CCDC7: variants seen among roughly 807,000 people sequenced by gnomAD.
CCDC7 encodes the protein coiled-coil domain containing 7.
CCDC7 carries 183 observed loss-of-function variants against 196.9 expected under a neutral mutation model. The ratio of observed to expected loss-of-function variants is 0.93; its 90% CI spans 0.82 to 1.05. CCDC7 has a LOEUF of 1.05. Ranked by LOEUF, CCDC7 falls within the 50% of genes least tolerant of loss-of-function variation. The pLI is 0.00. For synonymous variants in CCDC7, 525 were observed against 484.6 expected (o/e 1.08, Z -1.10); for missense variants, 1,540 against 1,482.2 (o/e 1.04, Z -0.64).
At chr10:32,666,660 A>T (rs1485170692) in intron 21 of CCDC7, among the ~76,000 whole-genome samples, 1 of 151,812 alleles carries the variant, frequency 6.6e-6, no homozygotes, top group Admixed American at 6.6e-5. Context: ...GTTTGCTGAG[A>T]ATGATGGTTT....
intron 20 of CCDC7, among the ~76,000 whole-genome samples, chr10:32,661,805 C>CT (rs2071520355): frequency 6.6e-6 from 1 of 152,016 alleles, no homozygotes; most frequent in Admixed American, 6.6e-5. Flanking sequence ...AGAAGAAGGT[C>CT]TTTTTTGGAG....
intron 20 of CCDC7, among the ~76,000 whole-genome samples, chr10:32,639,087 T>G (rs1420652465): frequency 2.0e-5 from 3 of 152,100 alleles, no homozygotes; most frequent in African/African-American, 7.2e-5. Flanking sequence ...TCCTCTTTAT[T>G]ATTCTTTATT....
At chr10:32,836,876 G>C (rs1049738667) in intron 33 of CCDC7, among the ~76,000 whole-genome samples, 7 of 152,084 alleles carry the variant, frequency 4.6e-5, no homozygotes, top group Non-Finnish European at 8.8e-5. Flanking sequence ...GCCATATGTA[G>C]AAAGCTGAAA....
intron 30 of CCDC7, among the ~76,000 whole-genome samples, chr10:32,808,105 G>A (rs758107379): frequency 9.9e-5 from 15 of 152,230 alleles, no homozygotes; most frequent in Non-Finnish European, 2.1e-4. Context: ...CCTGACAACT[G>A]CCATTGCTGT....
chr10:32,446,036 A>C (rs960915541), upstream of CCDC7: 13 of 152,154 alleles, frequency 8.5e-5, no homozygotes, highest in Admixed American at 1.3e-4. Flanking sequence ...CAGCCGCCAA[A>C]CTGCGTCTCC....
At chr10:32,535,709 A>G (rs1427007267) in intron 11 of CCDC7, among the ~76,000 whole-genome samples, 1 of 152,182 alleles carries the variant, frequency 6.6e-6, no homozygotes, top group African/African-American at 2.4e-5. Flanking sequence ...TTTCCTGTTT[A>G]GACCTTTAAG....
intron 2 of CCDC7, among the ~76,000 whole-genome samples, chr10:32,454,997 C>T (rs1363710025): frequency 5.3e-5 from 8 of 152,176 alleles, no homozygotes; most frequent in Admixed American, 3.9e-4. Flanking sequence ...CCCTTTCACA[C>T]GTACTTAACT....
At chr10:32,703,964 C>T (rs2079230947) in intron 24 of CCDC7, among the ~76,000 whole-genome samples, 1 of 152,204 alleles carries the variant, frequency 6.6e-6, no homozygotes. Context: ...GTTAGAACTT[C>T]CTCCTTTAGC....
At chr10:32,784,727 C>G (rs1487847324) in intron 29 of CCDC7, among the ~76,000 whole-genome samples, 1 of 151,846 alleles carries the variant, frequency 6.6e-6, no homozygotes, top group Non-Finnish European at 1.5e-5. Context: ...ACGTGCTGGG[C>G]GCCGTGACTC....
chr10:32,568,377 A>G (rs74233144), intron 15 of CCDC7, among the ~76,000 whole-genome samples: 12,560 of 152,134 alleles, frequency 0.083, 562 homozygotes, highest in East Asian at 0.16. Context: ...ATACCAAACT[A>G]TGACTTAAAT....
At chr10:32,819,447 C>A (rs2089665255) in intron 31 of CCDC7, among the ~76,000 whole-genome samples, 1 of 152,144 alleles carries the variant, frequency 6.6e-6, no homozygotes, top group Non-Finnish European at 1.5e-5. Flanking sequence ...AAGAGGGAAT[C>A]CTCCCTAACT....
chr10:32,747,229 A>G (rs540095987), intron 28 of CCDC7, among the ~76,000 whole-genome samples: 1 of 152,346 alleles, frequency 6.6e-6, no homozygotes, highest in East Asian at 1.9e-4. Context: ...AGATGGATCA[A>G]AGACTTAAAT....
At position 32,633,875 on chromosome 10, in the gene CCDC7, G is replaced by A. The variant is rs375782907; in HGVS notation, c.1802-379G>A. On this transcript the variant is annotated intron_variant, in intron 18 of 41. Transcript: ENST00000639629. Reference sequence around the variant, plus strand: ...TTCCCTTTGTATTTCTCCAGTAAAGGTAACCATGTATATTGTTTTCCGGTT... The same window carrying A: ...TTCCCTTTGTATTTCTCCAGTAAAGATAACCATGTATATTGTTTTCCGGTT... Among the ~76,000 whole-genome samples, 10 of 151,682 alleles carry A rather than the reference G, an allele frequency of 6.6e-5. No individual in the cohort carries two copies. The East Asian group carries it at 1.7e-3, about 26-fold the overall frequency.
chr10:32,876,018 A>C (rs903486098), intron 41 of CCDC7, among the ~76,000 whole-genome samples: 2 of 151,972 alleles, frequency 1.3e-5, no homozygotes, highest in African/African-American at 2.4e-5. Context: ...ACTTCTAAGA[A>C]ATGCAGTTTC....
intron 37 of CCDC7, among the ~76,000 whole-genome samples, chr10:32,847,272 G>A (rs1025840849): frequency 6.6e-6 from 1 of 152,102 alleles, no homozygotes; most frequent in Non-Finnish European, 1.5e-5. Context: ...ACCTGGAGAT[G>A]CTACAATATA....
chr10:32,449,437 C>T (rs1309495589), upstream of CCDC7, among the ~76,000 whole-genome samples: 2 of 152,218 alleles, frequency 1.3e-5, no homozygotes, highest in Admixed American at 6.5e-5. Flanking sequence ...CCACCCGCCT[C>T]TGCCTCCCAA....
intron 11 of CCDC7, among the ~76,000 whole-genome samples, chr10:32,519,651 G>A (rs1422739812): frequency 9.9e-5 from 15 of 152,060 alleles, no homozygotes. Flanking sequence ...TTTTGGTACA[G>A]GCATACAATG....
At position 32,713,178 on chromosome 10, in the gene CCDC7, G is replaced by A. The variant is rs548329196; in HGVS notation, c.2569+1448G>A. Reference sequence around the variant, plus strand: ...GGCCATGACAATAGGGGTTTATAGTGGCCCAAAGGGATCTACCCCATAGTT... The same window carrying A: ...GGCCATGACAATAGGGGTTTATAGTAGCCCAAAGGGATCTACCCCATAGTT... On this transcript the variant is annotated intron_variant, in intron 25 of 41. Coordinates refer to ENST00000639629, the Ensembl canonical transcript of CCDC7. Among the ~76,000 whole-genome samples the A allele has an allele frequency of 2.0e-5, 3 of 152,232 alleles. No individual in the cohort carries two copies. In the South Asian group the frequency reaches 6.2e-4, roughly 32 times the overall value.
At chr10:32,721,995 G>A (rs907408082) in intron 25 of CCDC7, among the ~76,000 whole-genome samples, 1 of 152,092 alleles carries the variant, frequency 6.6e-6, no homozygotes, top group Non-Finnish European at 1.5e-5. Flanking sequence ...ATAATCAATC[G>A]AATCTCTGTG....
Sources: gnomAD v4.1 joint callset for allele counts (sites outside exome capture counted in the v4.1 genomes callset) on GRCh38, gnomAD v4.1.1 for gene constraint, MANE v1.5 for transcripts, NCBI Gene and HGNC (gene_info 2026-07-23, HGNC 2026-07-21) for gene names.